Variants in DTNA observed in about 807,000 individuals in gnomAD.
DTNA encodes dystrophin-related protein 3.
A neutral mutation model predicts 100.7 loss-of-function variants in DTNA; 43 were observed. The ratio of observed to expected loss-of-function variants is 0.43; its 90% CI spans 0.33 to 0.55. DTNA has a LOEUF of 0.55. Among genes scored for constraint, DTNA ranks in the 20% least tolerant of loss-of-function variants. The pLI is 0.04. For synonymous variants in DTNA, 349 were observed against 347.9 expected (o/e 1.00, Z -0.04); for missense variants, 798 against 953.9 (o/e 0.84, Z 2.15).
intron 4 of DTNA, among the ~76,000 whole-genome samples, chr18:34,801,736 C>A (rs991023201): frequency 9.2e-5 from 14 of 152,086 alleles, no homozygotes; most frequent in African/African-American, 3.4e-4. Flanking sequence ...GTCTTGATCA[C>A]CTGGCCTCTT....
chr18:34,710,985 A>G (rs1270759287), intron 1 of DTNA, among the ~76,000 whole-genome samples: 4 of 152,076 alleles, frequency 2.6e-5, no homozygotes, highest in Non-Finnish European at 5.9e-5. Flanking sequence ...TAACATGTAT[A>G]GTCCGGTTTT....
At chr18:34,718,623 T>G (rs1169851215) in intron 1 of DTNA, among the ~76,000 whole-genome samples, 1 of 152,162 alleles carries the variant, frequency 6.6e-6, no homozygotes, top group Non-Finnish European at 1.5e-5. Context: ...AGCCTTATGA[T>G]CACTGCAGTC....
intron 1 of DTNA, among the ~76,000 whole-genome samples, chr18:34,633,369 T>TC (rs1305369752): frequency 6.6e-6 from 1 of 152,110 alleles, no homozygotes; most frequent in Non-Finnish European, 1.5e-5. Flanking sequence ...GTAAGAAACT[T>TC]TAAAAAATTT....
chr18:34,812,227 TG>T, intron 6 of DTNA, 114 bp downstream of exon 6: 1 of 1,456,170 alleles, frequency 6.9e-7, no homozygotes, highest in Non-Finnish European at 9.4e-7. Context: ...GATAGCAACC[TG>T]TATTGTATTT....
At position 34,888,303 on chromosome 18, in the gene DTNA, C is replaced by T; in HGVS notation, c.*569C>T. On this transcript the variant is annotated 3_prime_UTR_variant, in exon 23 of 23. Coordinates refer to ENST00000444659, the MANE Select transcript of DTNA (RefSeq NM_001386795.1). Reference sequence around the variant, plus strand: ...GCAATTGGAAAAAAACAACCACTTGCAATCATTCAATAACCCTGAAGAATT... The same window carrying T: ...GCAATTGGAAAAAAACAACCACTTGTAATCATTCAATAACCCTGAAGAATT... 1 of 985,766 alleles carries T rather than the reference C, an allele frequency of 1.0e-6. No homozygotes were observed. The highest frequency in any genetic ancestry group is 1.2e-6 in the Non-Finnish European group (1 of 829,930). The allele number at this position is 985,766 out of a possible 1,614,324, so 61.1% of individuals were successfully genotyped here.
At chr18:34,681,000 C>T (rs1263898102) in intron 1 of DTNA, among the ~76,000 whole-genome samples, 1 of 152,026 alleles carries the variant, frequency 6.6e-6, no homozygotes, top group Admixed American at 6.6e-5. Context: ...GAACCCTGAA[C>T]CTCATTAACA....
chr18:34,524,845 C>T (rs1046757842), intron 1 of DTNA, among the ~76,000 whole-genome samples: 4 of 151,884 alleles, frequency 2.6e-5, no homozygotes, highest in African/African-American at 7.3e-5. Flanking sequence ...TGTGTCCAAC[C>T]GATAGAGGAC....
At chr18:34,577,131 T>A (rs2048185662) in intron 1 of DTNA, among the ~76,000 whole-genome samples, 1 of 152,210 alleles carries the variant, frequency 6.6e-6, no homozygotes, top group African/African-American at 2.4e-5. Context: ...CACTTTAATT[T>A]TGTTCATTTT....
At chr18:34,828,727 G>A (rs74412150) in intron 10 of DTNA, among the ~76,000 whole-genome samples, 4 of 152,110 alleles carry the variant, frequency 2.6e-5, no homozygotes, top group African/African-American at 7.2e-5. Context: ...ATGTATAAAC[G>A]AGGTCTGTAA....
At chr18:34,687,941 C>T (rs1244293444) in intron 1 of DTNA, among the ~76,000 whole-genome samples, 1 of 152,030 alleles carries the variant, frequency 6.6e-6, no homozygotes, top group African/African-American at 2.4e-5. Context: ...TCTGTTTTAT[C>T]AGAGACGAGG....
intron 1 of DTNA, among the ~76,000 whole-genome samples, chr18:34,564,069 G>T (rs1053476993): frequency 1.3e-5 from 2 of 151,934 alleles, no homozygotes; most frequent in Non-Finnish European, 2.9e-5. Flanking sequence ...CTGTACATTA[G>T]GTCTCCAGAA....
At chr18:34,881,436 G>GCTTTTTTTTTTTT (rs2096871263) in intron 20 of DTNA, among the ~76,000 whole-genome samples, 1 of 68,424 alleles carries the variant, frequency 1.5e-5, no homozygotes, top group African/African-American at 7.7e-5. Context: ...TAATTAAAAT[G>GCTTTTTTTTTTTT]CTTTTTTTTT....
intron 1 of DTNA, among the ~76,000 whole-genome samples, chr18:34,496,645 C>T (rs2039270582): frequency 6.6e-6 from 1 of 151,998 alleles, no homozygotes; most frequent in African/African-American, 2.4e-5. Context: ...ATCTGTGAGC[C>T]CTGACTGCAC....
At chr18:34,867,978 T>G (rs1455013285) in intron 17 of DTNA, 1 of 985,308 alleles carries the variant, frequency 1.0e-6, no homozygotes, top group East Asian at 1.1e-4. Flanking sequence ...TATTTATCTT[T>G]TTTGCTTTTA....
intron 1 of DTNA, among the ~76,000 whole-genome samples, chr18:34,741,753 G>A (rs974327496): frequency 2.0e-5 from 3 of 150,976 alleles, no homozygotes; most frequent in African/African-American, 7.3e-5. Context: ...TCTGATATTA[G>A]TCAATATATT....
At chr18:34,647,449 G>GT (rs1447024670) in intron 1 of DTNA, among the ~76,000 whole-genome samples, 1 of 152,202 alleles carries the variant, frequency 6.6e-6, no homozygotes, top group Non-Finnish European at 1.5e-5. Flanking sequence ...CAGGCGCCTA[G>GT]AAGTACCTCG....
At chr18:34,718,210 G>A (rs148064203) in intron 1 of DTNA, among the ~76,000 whole-genome samples, 4 of 152,106 alleles carry the variant, frequency 2.6e-5, no homozygotes, top group South Asian at 2.1e-4. Flanking sequence ...GGAAGTAGGC[G>A]CAACTACATC....
intron 17 of DTNA, among the ~76,000 whole-genome samples, chr18:34,869,494 T>C (rs917797107): frequency 2.0e-5 from 3 of 152,194 alleles, no homozygotes; most frequent in Admixed American, 1.3e-4. Context: ...TAAGTTTATA[T>C]TTTCCTATTT....
At chr18:34,585,507 A>G (rs1385540148) in intron 1 of DTNA, among the ~76,000 whole-genome samples, 2 of 152,166 alleles carry the variant, frequency 1.3e-5, no homozygotes, top group Non-Finnish European at 1.5e-5. Flanking sequence ...TTTATCTAAG[A>G]TTGTTGTGTA....
Sources: allele counts gnomAD v4.1 joint callset (sites outside exome capture counted in the v4.1 genomes callset), GRCh38; gene constraint gnomAD v4.1.1; transcripts MANE v1.5; gene names NCBI Gene and HGNC (gene_info 2026-07-23, HGNC 2026-07-21).